The following SORCS2 variants were observed in gnomAD, a reference collection of about 807,000 sequenced individuals.
The protein encoded by SORCS2 is VPS10 domain-containing receptor SorCS2.
In SORCS2, 100 loss-of-function variants were observed where a neutral mutation model predicts 141.6. That is an observed-to-expected ratio of 0.71 (90% CI 0.60 to 0.83). The LOEUF is 0.83. Ranked by LOEUF, SORCS2 falls within the 40% of genes least tolerant of loss-of-function variation. The pLI is 0.00. For missense variants in SORCS2, 1,646 were observed against 1,560.2 expected (o/e 1.05, Z -0.93); for synonymous variants, 789 against 676.9 (o/e 1.17, Z -2.57).
intron 2 of SORCS2, chr4:7,433,570 T>G: frequency 6.2e-7 from 1 of 1,611,878 alleles, no homozygotes; most frequent in Non-Finnish European, 8.5e-7. Context: ...GTGCTTGCAC[T>G]GGATCATATA....
At chr4:7,319,880 C>T (rs1718790113) in intron 1 of SORCS2, among the ~76,000 whole-genome samples, 1 of 152,244 alleles carries the variant, frequency 6.6e-6, no homozygotes, top group Non-Finnish European at 1.5e-5. Flanking sequence ...TGCTTTTCTG[C>T]AGGCTCCTCT....
At chr4:7,422,201 CT>C (rs373024695) in intron 2 of SORCS2, among the ~76,000 whole-genome samples, 102 of 152,354 alleles carry the variant, frequency 6.7e-4, no homozygotes, top group African/African-American at 2.4e-3. Context: ...CATCCATTCT[CT>C]GACCTTCTCC....
intron 2 of SORCS2, among the ~76,000 whole-genome samples, chr4:7,399,292 C>T (rs757177944): frequency 5.7e-4 from 86 of 151,856 alleles, no homozygotes; most frequent in Non-Finnish European, 4.6e-4. Context: ...GGAAGGCTGG[C>T]GGTGCCCTCG....
At chr4:7,309,518 C>G (rs1401813923) in intron 1 of SORCS2, among the ~76,000 whole-genome samples, 1 of 152,226 alleles carries the variant, frequency 6.6e-6, no homozygotes, top group Non-Finnish European at 1.5e-5. Context: ...ACGATGGGCT[C>G]TTTGTCGGAA....
At chr4:7,262,038 G>T (rs1714360852) in intron 1 of SORCS2, among the ~76,000 whole-genome samples, 7 of 152,208 alleles carry the variant, frequency 4.6e-5, no homozygotes, top group Admixed American at 4.6e-4. Flanking sequence ...GGGGTTCTGG[G>T]TGTGGAAGTG....
chr4:7,310,606 A>T (rs1718122216), intron 1 of SORCS2: 1 of 154,224 alleles, frequency 6.5e-6, no homozygotes, highest in Non-Finnish European at 1.5e-5. Flanking sequence ...TTCCACTTCC[A>T]GAAACGCTAA....
chr4:7,464,675 A>C (rs1478181368), intron 2 of SORCS2, among the ~76,000 whole-genome samples: 2 of 152,234 alleles, frequency 1.3e-5, no homozygotes, highest in African/African-American at 2.4e-5. Flanking sequence ...GGGGATCCCA[A>C]AAAATGGTGT....
At chr4:7,484,715 G>C (rs1730866494) in intron 2 of SORCS2, among the ~76,000 whole-genome samples, 1 of 152,136 alleles carries the variant, frequency 6.6e-6, no homozygotes, top group African/African-American at 2.4e-5. Context: ...AGCTGGGCGG[G>C]CATTTACAAG....
intron 9 of SORCS2, among the ~76,000 whole-genome samples, chr4:7,678,171 A>G (rs1723285925): frequency 6.6e-6 from 1 of 152,226 alleles, no homozygotes; most frequent in South Asian, 2.1e-4. Flanking sequence ...GACACAGCAC[A>G]GGGGCGGTTG....
chr4:7,428,352 C>G (rs1480795176), intron 2 of SORCS2, among the ~76,000 whole-genome samples: 1 of 152,154 alleles, frequency 6.6e-6, no homozygotes, highest in Non-Finnish European at 1.5e-5. Flanking sequence ...ATTCGCTCAT[C>G]CTGTGCTCAT....
chr4:7,285,502 G>A (rs930246700), intron 1 of SORCS2, among the ~76,000 whole-genome samples: 3 of 152,202 alleles, frequency 2.0e-5, no homozygotes, highest in African/African-American at 2.4e-5. Context: ...TGCACGGAGC[G>A]CCTGGCTGCA....
At chr4:7,638,565 C>T in intron 4 of SORCS2, 73 bp downstream of exon 4, 2 of 1,480,058 alleles carry the variant, frequency 1.4e-6, no homozygotes, top group Non-Finnish European at 1.8e-6. Context: ...GGTGAGTGCC[C>T]ACTTGGAGCA....
At chr4:7,343,765 G>T (rs1436707486) in intron 1 of SORCS2, among the ~76,000 whole-genome samples, 1 of 152,160 alleles carries the variant, frequency 6.6e-6, no homozygotes, top group African/African-American at 2.4e-5. Context: ...GTTGGTACAC[G>T]GCGTAGAATA....
intron 1 of SORCS2, among the ~76,000 whole-genome samples, chr4:7,370,767 G>C (rs1469200372): frequency 2.6e-5 from 4 of 152,184 alleles, no homozygotes; most frequent in Non-Finnish European, 5.9e-5. Context: ...TGGAGGGACT[G>C]GGCCCCCTTT....
chr4:7,356,699 CCT>C (rs1721272978), intron 1 of SORCS2, among the ~76,000 whole-genome samples: 1 of 152,218 alleles, frequency 6.6e-6, no homozygotes. Flanking sequence ...TGCAGCAGCC[CCT>C]CTCTGTGCTG....
chr4:7,723,324 C>T (rs1006633746), intron 18 of SORCS2, among the ~76,000 whole-genome samples: 2 of 152,160 alleles, frequency 1.3e-5, no homozygotes, highest in Non-Finnish European at 2.9e-5. Flanking sequence ...AGTGGGAGGC[C>T]CCTCACCTTC....
chr4:7,449,610 G>A (rs912524497), intron 2 of SORCS2, among the ~76,000 whole-genome samples: 4 of 151,670 alleles, frequency 2.6e-5, no homozygotes, highest in Non-Finnish European at 4.4e-5. Context: ...GATGCTGGGG[G>A]CTGCCATGTG....
chr4:7,427,347 C>G (rs922773691), intron 2 of SORCS2, among the ~76,000 whole-genome samples: 5 of 152,130 alleles, frequency 3.3e-5, no homozygotes, highest in Non-Finnish European at 7.3e-5. Context: ...GGCCTGGGGC[C>G]TCGGGCAAGA....
chr4:7,544,684 A>G (rs944758760), intron 3 of SORCS2, among the ~76,000 whole-genome samples: 1 of 152,206 alleles, frequency 6.6e-6, no homozygotes, highest in Non-Finnish European at 1.5e-5. Flanking sequence ...GAGCTGGGGT[A>G]TTGACCCCCT....
Sources: gnomAD v4.1 joint callset for allele counts (sites outside exome capture counted in the v4.1 genomes callset) on GRCh38, gnomAD v4.1.1 for gene constraint, MANE v1.5 for transcripts, NCBI Gene and HGNC (gene_info 2026-07-23, HGNC 2026-07-21) for gene names.